Variants in AAGAB observed in about 807,000 individuals in gnomAD.
AAGAB encodes alpha- and gamma-adaptin-binding protein p34.
A neutral mutation model predicts 44.1 loss-of-function variants in AAGAB; 38 were observed. The ratio of observed to expected loss-of-function variants is 0.86; its 90% confidence interval spans 0.67 to 1.13. The LOEUF is 1.13. AAGAB is among the 50% of genes most tolerant of loss of function. The pLI, the probability that AAGAB is intolerant of heterozygous loss-of-function variation, is 0.00. For missense variants in AAGAB, 450 were observed against 373.8 expected, an observed-to-expected ratio of 1.20 and a Z score of -1.68; for synonymous variants, 131 against 131.8, an observed-to-expected ratio of 0.99 and a Z score of 0.04.
chr15:67,250,705 C>T (rs918729437), intron 1 of AAGAB, among the ~76,000 whole-genome samples: 18 of 152,140 alleles, frequency 1.2e-4, no homozygotes, highest in African/African-American at 4.1e-4. Context: ...GTCCCTCAAG[C>T]ATCCTGAGGC....
chr15:67,254,894 G>T (rs1200200322), upstream of AAGAB: 1 of 1,613,532 alleles, frequency 6.2e-7, no homozygotes, highest in Admixed American at 1.7e-5. Flanking sequence ...CCCTGACCTA[G>T]CCATGGCACA....
At chr15:67,210,762 A>G (rs1245384035) in intron 5 of AAGAB, among the ~76,000 whole-genome samples, 1 of 152,226 alleles carries the variant, frequency 6.6e-6, no homozygotes, top group African/African-American at 2.4e-5. Context: ...CAGCATCTTT[A>G]GGACAGAGAT....
At chr15:67,224,748 CT>C (rs921233400) in intron 5 of AAGAB, among the ~76,000 whole-genome samples, 1 of 151,794 alleles carries the variant, frequency 6.6e-6, no homozygotes, top group Non-Finnish European at 1.5e-5. Context: ...GCCTAGCTAA[CT>C]TTTGTATTTT....
intron 8 of AAGAB, 58 bp from the exon 9 acceptor site, chr15:67,203,655 T>C (rs779756552): frequency 1.5e-5 from 22 of 1,420,892 alleles, no homozygotes; most frequent in Non-Finnish European, 2.2e-5. Context: ...ACCTGGAGTA[T>C]ATGAATAACA....
chr15:67,247,000 G>A (rs1322744385), intron 1 of AAGAB, among the ~76,000 whole-genome samples: 3 of 152,168 alleles, frequency 2.0e-5, no homozygotes, highest in Non-Finnish European at 4.4e-5. Context: ...CTCACTCTTT[G>A]GGTCCGTACT....
At chr15:67,203,965 G>A (rs1963627048) in intron 8 of AAGAB, 79 bp downstream of exon 8, 1 of 866,766 alleles carries the variant, frequency 1.2e-6, no homozygotes, top group East Asian at 2.6e-5. Flanking sequence ...CAATCCAGCA[G>A]TTAACAAAAT....
intron 7 of AAGAB, among the ~76,000 whole-genome samples, chr15:67,206,149 C>A (rs1306833553): frequency 6.6e-6 from 1 of 152,200 alleles, no homozygotes. Flanking sequence ...CAGTCTTTCA[C>A]GACTTTAACA....
chr15:67,205,689 A>C (rs909039957), intron 7 of AAGAB, among the ~76,000 whole-genome samples: 1 of 152,218 alleles, frequency 6.6e-6, no homozygotes, highest in African/African-American at 2.4e-5. Context: ...TACCCGATTT[A>C]GCGGCATGGA....
rs1038518072 is a variant in AAGAB, at chr15:67,202,245, A to G, written c.*576T>C. On this transcript the variant is annotated 3_prime_UTR_variant, in exon 10 of 10. Coordinates refer to ENST00000261880, the MANE Select transcript of AAGAB (RefSeq NM_024666.5). ...TTGATTCTTTCTAGCATGAGCTCAG[A>G]CACTATACTTCAAAAGAATGCCCAG... 2.0e-5 allele frequency: 3 copies of G among 152,830 alleles called. No homozygotes were observed. The highest frequency in any genetic ancestry group is 4.4e-5 in the Non-Finnish European group (3 of 68,406). 9.5% of individuals were successfully genotyped at this position (152,830 alleles called of 1,614,324 possible).
intron 5 of AAGAB, among the ~76,000 whole-genome samples, chr15:67,230,705 A>G (rs12900758): frequency 0.22 from 32,859 of 152,108 alleles, 4,212 homozygotes; most frequent in East Asian, 0.48. Context: ...CAATACAGAC[A>G]GTAAGAGGCC....
intron 5 of AAGAB, chr15:67,220,374 T>A (rs2140358660): frequency 6.6e-6 from 1 of 152,376 alleles, no homozygotes; most frequent in South Asian, 2.1e-4. Context: ...ATTAACACTC[T>A]GTGCTCATTT....
intron 5 of AAGAB, among the ~76,000 whole-genome samples, chr15:67,209,863 C>T (rs971873571): frequency 6.6e-6 from 1 of 152,128 alleles, no homozygotes. Context: ...GACAGGGTCT[C>T]ACTATGTTGC....
chr15:67,223,570 T>G (rs1294932846), intron 5 of AAGAB, among the ~76,000 whole-genome samples: 1 of 152,150 alleles, frequency 6.6e-6, no homozygotes, highest in African/African-American at 2.4e-5. Flanking sequence ...CCAGCCCCAA[T>G]CTGAGCCATC....
chr15:67,254,485 G>A (rs1041804504), intron 1 of AAGAB, 74 bp downstream of exon 1: 205 of 1,515,768 alleles, frequency 1.4e-4, no homozygotes, highest in Non-Finnish European at 1.7e-4. Context: ...GGCCCAGAGA[G>A]GCCGTGGTGC....
chr15:67,209,340 T>C (rs1025859017), intron 6 of AAGAB, 122 bp downstream of exon 6: 1 of 893,956 alleles, frequency 1.1e-6, no homozygotes, highest in Non-Finnish European at 1.8e-6. Context: ...CTTTCATCTA[T>C]TTTTAACATT....
At position 67,214,285 on chromosome 15, in the gene AAGAB, C is replaced by T. The variant is rs1448068978; in HGVS notation, c.536-4741G>A. 9.2e-5 allele frequency among the ~76,000 whole-genome samples: 14 copies of T among 152,228 alleles called. No homozygotes were observed. The East Asian group carries it at 2.5e-3, about 27-fold the overall frequency. ...AATAACTCAGGACTGAATAATTAAT[C>T]ATATGCCACTTACTAACTGTTCACA... On this transcript the variant is annotated intron_variant, in intron 5 of 9. Transcript: ENST00000261880.
At chr15:67,235,701 G>A (rs1344518729) in intron 4 of AAGAB, among the ~76,000 whole-genome samples, 1 of 151,948 alleles carries the variant, frequency 6.6e-6, no homozygotes, top group African/African-American at 2.4e-5. Flanking sequence ...AAAGGAAAAA[G>A]GATTATGGAA....
chr15:67,222,242 G>GCGCGCGCGCGCGCA (rs1367738219), intron 5 of AAGAB, among the ~76,000 whole-genome samples: 8 of 90,126 alleles, frequency 8.9e-5, no homozygotes, highest in African/African-American at 3.0e-4. Context: ...GCGCGCGCGC[G>GCGCGCGCGCGCGCA]CACACACACA....
rs761269874 is a variant in AAGAB, at chr15:67,236,484, G to T, written c.285C>A (p.Val95=). ...CTTTTGCCAGTGGAAGCCATGAGGA[G>T]ACACTATCAAGGCCCGATTTCTAGA... ...DSTQKSGLDS[V]SSWLPLAKAW... The change falls in exon 3 of 10, where the codon GTC becomes GTA. Residue 95 remains valine (V), a synonymous_variant. Coordinates refer to ENST00000261880, the MANE Select transcript of AAGAB (RefSeq NM_024666.5). 1.6e-5 allele frequency: 26 copies of T among 1,613,832 alleles called. No homozygotes were observed. Among genetic ancestry groups the T allele is most frequent in the African/African-American group, 5.3e-5 (4 of 74,846 alleles).
Sources: allele counts gnomAD v4.1 joint callset (sites outside exome capture counted in the v4.1 genomes callset), GRCh38; gene constraint gnomAD v4.1.1; transcripts MANE v1.5; gene names NCBI Gene and HGNC (gene_info 2026-07-23, HGNC 2026-07-21).